PRKCA: variants seen among roughly 807,000 people sequenced by gnomAD.
PRKCA encodes protein kinase C alpha.
In PRKCA, 27 loss-of-function variants were observed where a neutral mutation model predicts 87.0. The observed-to-expected ratio is 0.31, with a 90% CI of 0.23 to 0.43. The LOEUF (loss-of-function observed/expected upper bound fraction) is 0.43. PRKCA is among the 20% of genes least tolerant of loss of function. PRKCA has a pLI of 1.00. For synonymous variants in PRKCA, 329 were observed against 311.1 expected, an observed-to-expected ratio of 1.06 and a Z score of -0.61; for missense variants, 518 against 852.3, an observed-to-expected ratio of 0.61 and a Z score of 4.88.
intron 3 of PRKCA, among the ~76,000 whole-genome samples, chr17:66,605,336 T>G (rs1970174285): frequency 1.3e-5 from 2 of 152,184 alleles, no homozygotes; most frequent in Admixed American, 1.3e-4. Flanking sequence ...GCTTTTCTCA[T>G]TAGAACATGA....
At chr17:66,522,822 A>AG (rs1567874579) in intron 3 of PRKCA, among the ~76,000 whole-genome samples, 1 of 149,524 alleles carries the variant, frequency 6.7e-6, no homozygotes, top group Non-Finnish European at 1.5e-5. Context: ...AAAAAAAAAA[A>AG]AGAAGAAGCC....
intron 8 of PRKCA, among the ~76,000 whole-genome samples, chr17:66,701,896 C>G (rs866501055): frequency 1.3e-5 from 2 of 152,094 alleles, no homozygotes; most frequent in Non-Finnish European, 2.9e-5. Context: ...TATGGAGAGA[C>G]AGTATGGATG....
At chr17:66,763,874 CT>C (rs924257461) in intron 13 of PRKCA, among the ~76,000 whole-genome samples, 4 of 152,224 alleles carry the variant, frequency 2.6e-5, no homozygotes, top group Admixed American at 2.6e-4. Flanking sequence ...AAGAAAAAGC[CT>C]TTAGAGCCAA....
intron 2 of PRKCA, among the ~76,000 whole-genome samples, chr17:66,334,499 A>G (rs1429735060): frequency 6.6e-6 from 1 of 152,220 alleles, no homozygotes; most frequent in Non-Finnish European, 1.5e-5. Context: ...AAGAAGACAT[A>G]CAAATGGCCA....
intron 2 of PRKCA, among the ~76,000 whole-genome samples, chr17:66,339,010 A>T (rs1186410824): frequency 6.6e-6 from 1 of 152,168 alleles, no homozygotes; most frequent in Non-Finnish European, 1.5e-5. Flanking sequence ...TTTATTGAAG[A>T]GTCCTTGTGT....
intron 2 of PRKCA, among the ~76,000 whole-genome samples, chr17:66,489,842 G>T (rs973988958): frequency 1.3e-5 from 2 of 149,246 alleles, no homozygotes; most frequent in South Asian, 2.1e-4. Context: ...GTACAGTGGC[G>T]TGATCTCAGC....
At chr17:66,681,489 A>C (rs1281229300) in intron 5 of PRKCA, among the ~76,000 whole-genome samples, 1 of 152,106 alleles carries the variant, frequency 6.6e-6, no homozygotes, top group Non-Finnish European at 1.5e-5. Flanking sequence ...AAAGATAGCA[A>C]ATGCTTCTTT....
chr17:66,322,069 G>A (rs963429931), intron 2 of PRKCA, among the ~76,000 whole-genome samples: 8 of 152,110 alleles, frequency 5.3e-5, no homozygotes, highest in Admixed American at 1.3e-4. Context: ...CTCTGGGTGA[G>A]GTCAGCCTTG....
chr17:66,501,520 C>T (rs1164627094), intron 3 of PRKCA, among the ~76,000 whole-genome samples: 1 of 152,174 alleles, frequency 6.6e-6, no homozygotes, highest in East Asian at 1.9e-4. Flanking sequence ...CTGGTACTGC[C>T]TGTGTTTGCA....
chr17:66,371,834 A>C (rs1202060492), intron 2 of PRKCA, among the ~76,000 whole-genome samples: 1 of 152,150 alleles, frequency 6.6e-6, no homozygotes, highest in African/African-American at 2.4e-5. Flanking sequence ...TTCACCTTCA[A>C]AGTGGTTCTT....
At chr17:66,787,749 G>A (rs1975437340) in intron 15 of PRKCA, among the ~76,000 whole-genome samples, 1 of 152,004 alleles carries the variant, frequency 6.6e-6, no homozygotes, top group South Asian at 2.1e-4. Flanking sequence ...ACTTTGGACA[G>A]CATGGATTAG....
At chr17:66,322,723 G>A (rs764426922) in intron 2 of PRKCA, among the ~76,000 whole-genome samples, 16 of 149,272 alleles carry the variant, frequency 1.1e-4, no homozygotes, top group Non-Finnish European at 2.2e-4. Flanking sequence ...ATCCTGTCTC[G>A]GCATCCCACA....
At chr17:66,494,176 G>T (rs1916363916) in intron 2 of PRKCA, among the ~76,000 whole-genome samples, 1 of 152,158 alleles carries the variant, frequency 6.6e-6, no homozygotes, top group Admixed American at 6.5e-5. Flanking sequence ...TGCCATATGT[G>T]CAGGGAACTG....
chr17:66,635,679 C>G (rs1347833690), intron 3 of PRKCA, among the ~76,000 whole-genome samples: 1 of 152,186 alleles, frequency 6.6e-6, no homozygotes, highest in Non-Finnish European at 1.5e-5. Flanking sequence ...ATGTATTTCA[C>G]CAGCCAATAC....
rs758270754 is a variant in PRKCA at position 66,788,998 on chromosome 17, C to G, written c.1854+19C>G. 1 of 1,613,666 alleles carries G rather than the reference C, an allele frequency of 6.2e-7. No individual in the cohort carries two copies. Among genetic ancestry groups the G allele is most frequent in the Admixed American group, 1.7e-5 (1 of 59,896 alleles). ...CAAAGTGGTGAGTCCAGAAAAGCAG[C>G]CTGTTTTCGGAACCCCATGTCCCCA... On this transcript the variant is annotated intron_variant, in intron 16 of 16. Coordinates refer to ENST00000413366, the MANE Select transcript of PRKCA (RefSeq NM_002737.3).
At chr17:66,572,767 G>T (rs1969118624) in intron 3 of PRKCA, among the ~76,000 whole-genome samples, 1 of 152,122 alleles carries the variant, frequency 6.6e-6, no homozygotes, top group Non-Finnish European at 1.5e-5. Context: ...AAAGTCCTGG[G>T]TCATGAGCCA....
chr17:66,426,332 T>G (rs1488924477), intron 2 of PRKCA, among the ~76,000 whole-genome samples: 2 of 152,058 alleles, frequency 1.3e-5, no homozygotes. Context: ...TTTTGTAAGT[T>G]TTTGAGGAGA....
chr17:66,607,765 G>A (rs1026475924), intron 3 of PRKCA, among the ~76,000 whole-genome samples: 1 of 152,096 alleles, frequency 6.6e-6, no homozygotes, highest in Non-Finnish European at 1.5e-5. Context: ...AGATTCCAAC[G>A]TGCAGGGTTT....
At chr17:66,580,050 C>T (rs890204333) in intron 3 of PRKCA, among the ~76,000 whole-genome samples, 10 of 152,098 alleles carry the variant, frequency 6.6e-5, no homozygotes, top group South Asian at 4.1e-4. Flanking sequence ...CATGCACAGG[C>T]GGCTTTCCAC....
Sources: allele counts gnomAD v4.1 joint callset (sites outside exome capture counted in the v4.1 genomes callset), GRCh38; gene constraint gnomAD v4.1.1; transcripts MANE v1.5; gene names NCBI Gene and HGNC (gene_info 2026-07-23, HGNC 2026-07-21).